Variants in MRAP2 observed in about 807,000 individuals in gnomAD.
MRAP2 encodes melanocortin-2 receptor accessory protein 2.
In MRAP2, 20 loss-of-function variants were observed where a neutral mutation model predicts 17.4. The ratio of observed to expected loss-of-function variants is 1.15; its 90% confidence interval spans 0.81 to 1.67. The LOEUF (loss-of-function observed/expected upper bound fraction) is 1.67. MRAP2 is among the 40% of genes most tolerant of loss of function. The pLI, the probability that MRAP2 is intolerant of heterozygous loss-of-function variation, is 0.00. For missense variants in MRAP2, 238 were observed against 240.0 expected (o/e 0.99, Z 0.05); for synonymous variants, 96 against 88.4 (o/e 1.09, Z -0.48).
At chr6:84,081,672 A>T (rs1322978406) in intron 3 of MRAP2, among the ~76,000 whole-genome samples, 4 of 152,224 alleles carry the variant, frequency 2.6e-5, no homozygotes, top group African/African-American at 9.6e-5. Flanking sequence ...TACAAAAATT[A>T]GCCGAGGGTG....
intron 3 of MRAP2, among the ~76,000 whole-genome samples, chr6:84,079,261 A>C (rs1242046855): frequency 6.6e-6 from 1 of 151,666 alleles, no homozygotes; most frequent in African/African-American, 2.4e-5. Context: ...AATATAGCTA[A>C]ATCTCAAAAA....
chr6:84,136,993 T>G, the MRAP2 span, among the ~76,000 whole-genome samples: 6 of 152,172 alleles, frequency 3.9e-5, no homozygotes, highest in Non-Finnish European at 8.8e-5. Flanking sequence ...TGCTGACTCT[T>G]GTAACTGAGC....
intron 1 of MRAP2, among the ~76,000 whole-genome samples, chr6:84,048,497 C>T (rs1277107973): frequency 6.6e-6 from 1 of 152,180 alleles, no homozygotes; most frequent in Non-Finnish European, 1.5e-5. Flanking sequence ...TACTGATGCC[C>T]TCAACTTGCC....
intron 3 of MRAP2, among the ~76,000 whole-genome samples, chr6:84,083,071 A>G (rs1244882827): frequency 6.6e-6 from 1 of 152,152 alleles, no homozygotes; most frequent in Non-Finnish European, 1.5e-5. Context: ...GAAAAAGAGT[A>G]CAGAGACAGG....
the MRAP2 span, among the ~76,000 whole-genome samples, chr6:84,110,068 G>A: frequency 1.3e-5 from 2 of 152,168 alleles, no homozygotes; most frequent in Admixed American, 6.5e-5. Context: ...ACATACATGT[G>A]CATGTGTCTT....
At chr6:84,106,018 C>T in the MRAP2 span, among the ~76,000 whole-genome samples, 1 of 152,124 alleles carries the variant, frequency 6.6e-6, no homozygotes, top group African/African-American at 2.4e-5. Context: ...ACATATTAGA[C>T]ACTGATTCAG....
chr6:84,033,711 C>A (rs539935530), upstream of MRAP2: 26 of 985,102 alleles, frequency 2.6e-5, no homozygotes, highest in Non-Finnish European at 3.0e-5. Flanking sequence ...TCCGGCGCCC[C>A]GCGCCGCCTC....
At chr6:84,097,738 A>T in the MRAP2 span, among the ~76,000 whole-genome samples, 1 of 152,170 alleles carries the variant, frequency 6.6e-6, no homozygotes, top group South Asian at 2.1e-4. Flanking sequence ...TCTTATTCTT[A>T]TATTATTAAT....
the MRAP2 span, among the ~76,000 whole-genome samples, chr6:84,130,097 C>A: frequency 6.6e-6 from 1 of 152,108 alleles, no homozygotes; most frequent in Non-Finnish European, 1.5e-5. Flanking sequence ...TCGAAGGCCT[C>A]TTCTGCATCT....
chr6:84,120,913 C>A, the MRAP2 span, among the ~76,000 whole-genome samples: 1 of 152,126 alleles, frequency 6.6e-6, no homozygotes, highest in Non-Finnish European at 1.5e-5. Context: ...TTACTGAGCA[C>A]TTGAAATATG....
chr6:84,062,715 C>T (rs2099493492), intron 2 of MRAP2, 178 bp from the exon 3 acceptor site: 1 of 985,218 alleles, frequency 1.0e-6, no homozygotes, highest in Non-Finnish European at 1.2e-6. Context: ...GGAGGCGGAG[C>T]AGACTCTTCC....
the MRAP2 span, among the ~76,000 whole-genome samples, chr6:84,138,852 T>C: frequency 6.6e-6 from 1 of 152,220 alleles, no homozygotes; most frequent in Non-Finnish European, 1.5e-5. Flanking sequence ...CAAAGTTTTA[T>C]GTACATCTTA....
rs1588663392 is a variant in MRAP2 at position 84,087,438 on chromosome 6, C to T, written c.228-1653C>T. ...CTAAGCAGCTCCCAGCTTGACTTTT[C>T]CCTTTAGCTTAGTGATTTGGGGGTT... On this transcript the variant is annotated intron_variant, in intron 3 of 3. Coordinates refer to ENST00000257776, the MANE Select transcript of MRAP2 (RefSeq NM_138409.4). Among the ~76,000 whole-genome samples, 5 of 152,314 alleles carry T rather than the reference C, an allele frequency of 3.3e-5. No individual in the cohort carries two copies. In the South Asian group the frequency reaches 1.0e-3, roughly 32 times the overall value.
downstream of MRAP2, among the ~76,000 whole-genome samples, chr6:84,095,044 C>A (rs1282124980): frequency 6.6e-6 from 1 of 152,136 alleles, no homozygotes; most frequent in African/African-American, 2.4e-5. Context: ...TTTTTTACAA[C>A]AGCAATAGAA....
chr6:84,099,629 C>T, the MRAP2 span, among the ~76,000 whole-genome samples: 3 of 152,056 alleles, frequency 2.0e-5, no homozygotes, highest in Admixed American at 6.6e-5. Context: ...CTTCTTGCTC[C>T]CTCTCTCAGC....
At chr6:84,040,595 G>A (rs1455326771) in intron 1 of MRAP2, among the ~76,000 whole-genome samples, 2 of 152,202 alleles carry the variant, frequency 1.3e-5, no homozygotes, top group African/African-American at 2.4e-5. Flanking sequence ...TTGCTGAATG[G>A]CTTTGACCAA....
intron 3 of MRAP2, among the ~76,000 whole-genome samples, chr6:84,087,847 A>G (rs1220292153): frequency 6.6e-6 from 1 of 152,200 alleles, no homozygotes; most frequent in African/African-American, 2.4e-5. Flanking sequence ...CACCCAGGTA[A>G]CCATGCTAGG....
At chr6:84,065,133 A>G (rs2129168613) in intron 3 of MRAP2, among the ~76,000 whole-genome samples, 1 of 152,164 alleles carries the variant, frequency 6.6e-6, no homozygotes, top group East Asian at 1.9e-4. Flanking sequence ...AAAAATACAA[A>G]AATCAGCCGG....
At chr6:84,120,914 T>C in the MRAP2 span, among the ~76,000 whole-genome samples, 1 of 152,204 alleles carries the variant, frequency 6.6e-6, no homozygotes, top group Non-Finnish European at 1.5e-5. Flanking sequence ...TACTGAGCAC[T>C]TGAAATATGG....
Sources: allele counts gnomAD v4.1 joint callset (sites outside exome capture counted in the v4.1 genomes callset), GRCh38; gene constraint gnomAD v4.1.1; transcripts MANE v1.5; gene names NCBI Gene and HGNC (gene_info 2026-07-23, HGNC 2026-07-21).